MRPL1: variants seen among roughly 807,000 people sequenced by gnomAD.
The protein encoded by MRPL1 is mitochondrial ribosomal protein L1, also known as large ribosomal subunit protein uL1m.
In MRPL1, 28 loss-of-function variants were observed where a neutral mutation model predicts 38.0. The ratio of observed to expected loss-of-function variants is 0.74; its 90% CI spans 0.55 to 1.01. MRPL1 has a LOEUF of 1.01. Among genes scored for constraint, MRPL1 ranks in the 50% least tolerant of loss-of-function variants. MRPL1 has a pLI of 0.00. For synonymous variants in MRPL1, 123 were observed against 126.7 expected, an observed-to-expected ratio of 0.97 and a Z score of 0.20; for missense variants, 358 against 389.8, an observed-to-expected ratio of 0.92 and a Z score of 0.69.
At chr4:77,863,906 G>A (rs1220369376) in intron 1 of MRPL1, among the ~76,000 whole-genome samples, 1 of 151,826 alleles carries the variant, frequency 6.6e-6, no homozygotes, top group Admixed American at 6.6e-5. Flanking sequence ...TATTAGATAT[G>A]TGGCCAAGTT....
intron 7 of MRPL1, among the ~76,000 whole-genome samples, chr4:77,914,966 A>G (rs1290303301): frequency 2.0e-5 from 3 of 152,210 alleles, no homozygotes; most frequent in Non-Finnish European, 2.9e-5. Context: ...GTTGTAAAAA[A>G]TAAAGGATAG....
At chr4:77,942,059 T>C (rs1172350328) in intron 7 of MRPL1, among the ~76,000 whole-genome samples, 9 of 152,134 alleles carry the variant, frequency 5.9e-5, no homozygotes, top group African/African-American at 2.2e-4. Flanking sequence ...CCCAAAGATT[T>C]TGATAGGTTG....
In MRPL1 at chr4:77,867,679, C is replaced by A. The variant is rs182321629; in HGVS notation, c.32-4065C>A. On this transcript the variant is annotated intron_variant, in intron 1 of 8. Coordinates refer to ENST00000315567, the MANE Select transcript of MRPL1 (RefSeq NM_020236.4). ...GGCATTATAGGCATGAGCGATCAAC[C>A]CGCCTTGGCTTCCCAGTGTTGGGAT... Among the ~76,000 whole-genome samples the A allele has an allele frequency of 8.5e-5, 13 of 152,194 alleles. No individual in the cohort carries two copies. In the East Asian group the frequency reaches 2.5e-3, roughly 29 times the overall value.
At chr4:77,904,154 G>C (rs1224905217) in intron 6 of MRPL1, among the ~76,000 whole-genome samples, 1 of 152,014 alleles carries the variant, frequency 6.6e-6, no homozygotes, top group Non-Finnish European at 1.5e-5. Context: ...GGCCGAGGTG[G>C]GAGGACTGCT....
At chr4:77,916,250 A>G (rs1736422146) in intron 7 of MRPL1, among the ~76,000 whole-genome samples, 1 of 152,220 alleles carries the variant, frequency 6.6e-6, no homozygotes, top group African/African-American at 2.4e-5. Flanking sequence ...TCTGCTATCC[A>G]GATAACTTTT....
intron 2 of MRPL1, among the ~76,000 whole-genome samples, chr4:77,877,243 G>A (rs1486243976): frequency 3.9e-5 from 6 of 152,300 alleles, no homozygotes; most frequent in East Asian, 1.9e-4. Context: ...ATCTGAATGC[G>A]AGATATGTTG....
At position 77,915,310 on chromosome 4, in the gene MRPL1, A is replaced by G. The variant is rs572106793; in HGVS notation, c.777+5938A>G. ...CTTGAGGATTAGTATCTTGGATATT[A>G]GAACTCAGCCACTACTGCCTTTGTA... On this transcript the variant is annotated intron_variant, in intron 7 of 8. Coordinates refer to ENST00000315567, the MANE Select transcript of MRPL1 (RefSeq NM_020236.4). Among the ~76,000 whole-genome samples, 5 of 152,378 alleles carry G rather than the reference A, an allele frequency of 3.3e-5. No individual in the cohort carries two copies. The South Asian group carries it at 1.0e-3, about 32-fold the overall frequency.
chr4:77,887,884 C>G (rs147444268), intron 5 of MRPL1, among the ~76,000 whole-genome samples: 1 of 151,966 alleles, frequency 6.6e-6, no homozygotes, highest in South Asian at 2.1e-4. Flanking sequence ...TACTATTTTT[C>G]GCTTCTTTTT....
At chr4:77,937,804 A>T (rs1187644577) in intron 7 of MRPL1, among the ~76,000 whole-genome samples, 1 of 152,170 alleles carries the variant, frequency 6.6e-6, no homozygotes, top group Non-Finnish European at 1.5e-5. Flanking sequence ...TTTCAAATGC[A>T]TATATAAAGT....
chr4:77,927,233 A>T (rs903132434), intron 7 of MRPL1, among the ~76,000 whole-genome samples: 2 of 152,232 alleles, frequency 1.3e-5, no homozygotes, highest in Non-Finnish European at 2.9e-5. Context: ...CTAATAAAAA[A>T]TATTGCCTGG....
At chr4:77,862,993 G>T in intron 1 of MRPL1, 114 bp downstream of exon 1, 1 of 1,337,608 alleles carries the variant, frequency 7.5e-7, no homozygotes, top group Non-Finnish European at 1.1e-6. Context: ...TGCTGTTTCT[G>T]GTCTCTAGGT....
At chr4:77,865,749 A>C (rs896945180) in intron 1 of MRPL1, among the ~76,000 whole-genome samples, 1 of 152,120 alleles carries the variant, frequency 6.6e-6, no homozygotes, top group African/African-American at 2.4e-5. Flanking sequence ...CCAGACTCTG[A>C]CTTCTCACTG....
In MRPL1 at chr4:77,952,466, T is replaced by C. The variant is rs374648515; in HGVS notation, c.860-23T>C. The stretch of plus-strand genomic sequence containing the variant: ...TGGTATTGCGATATAAAAATCAAAG[T>C]TGATTCTCGTTTTTGTTTCCAGGTC... On this transcript the variant is annotated intron_variant, in intron 8 of 8. Coordinates refer to ENST00000315567, the MANE Select transcript of MRPL1 (RefSeq NM_020236.4). 5.2e-6 allele frequency: 8 copies of C among 1,528,324 alleles called. No individual in the cohort carries two copies. The African/African-American group carries it at 9.6e-5, about 18-fold the overall frequency. The allele number at this position is 1,528,324 out of a possible 1,614,324, so 94.7% of individuals were successfully genotyped here. A position where few individuals can be genotyped will look rare whatever the true frequency, so the allele number is the denominator to read the frequency against.
chr4:77,949,547 C>T (rs2110269775), intron 7 of MRPL1, among the ~76,000 whole-genome samples: 1 of 151,774 alleles, frequency 6.6e-6, no homozygotes, highest in Admixed American at 6.6e-5. Context: ...ACTTGGAAGT[C>T]AAGGATTCTC....
chr4:77,886,423 C>T (rs374241800), intron 4 of MRPL1, among the ~76,000 whole-genome samples: 18 of 152,216 alleles, frequency 1.2e-4, no homozygotes, highest in African/African-American at 4.1e-4. Context: ...CAACCTCTGC[C>T]TCCTGGGTTC....
chr4:77,897,133 C>T (rs1735935086), intron 6 of MRPL1, among the ~76,000 whole-genome samples: 1 of 152,030 alleles, frequency 6.6e-6, no homozygotes. Flanking sequence ...GGGGTGCAGT[C>T]TCGGCTCACT....
chr4:77,899,349 G>A (rs1439563953), intron 6 of MRPL1, among the ~76,000 whole-genome samples: 3 of 151,774 alleles, frequency 2.0e-5, no homozygotes, highest in African/African-American at 7.3e-5. Context: ...AGCAAATCAC[G>A]AGCCCCCCCG....
intron 6 of MRPL1, among the ~76,000 whole-genome samples, chr4:77,900,122 A>T (rs1736002009): frequency 6.6e-6 from 1 of 152,194 alleles, no homozygotes; most frequent in South Asian, 2.1e-4. Flanking sequence ...GGCCACTATG[A>T]TTATCATTAG....
intron 7 of MRPL1, among the ~76,000 whole-genome samples, chr4:77,949,242 A>G (rs1015816389): frequency 3.9e-5 from 6 of 152,232 alleles, no homozygotes; most frequent in Non-Finnish European, 8.8e-5. Context: ...TTTTATGAAT[A>G]GAACTCATTC....
Sources: allele counts gnomAD v4.1 joint callset (sites outside exome capture counted in the v4.1 genomes callset), GRCh38; gene constraint gnomAD v4.1.1; transcripts MANE v1.5; gene names NCBI Gene and HGNC (gene_info 2026-07-23, HGNC 2026-07-21).